Variants in GNAI1 observed in about 807,000 individuals in gnomAD.
GNAI1 encodes the protein G protein subunit alpha i1.
A neutral mutation model predicts 38.9 loss-of-function variants in GNAI1; 11 were observed. The ratio of observed to expected loss-of-function variants is 0.28; its 90% CI spans 0.18 to 0.47. The LOEUF is 0.47. GNAI1 is among the 20% of genes least tolerant of loss of function. The pLI, the probability that GNAI1 is intolerant of heterozygous loss-of-function variation, is 0.99. For synonymous variants in GNAI1, 166 were observed against 145.1 expected, an observed-to-expected ratio of 1.14 and a Z score of -1.04; for missense variants, 317 against 436.9, an observed-to-expected ratio of 0.73 and a Z score of 2.45.
intron 3 of GNAI1, among the ~76,000 whole-genome samples, chr7:80,194,099 C>A (rs1034690416): frequency 7.9e-5 from 12 of 152,138 alleles, no homozygotes; most frequent in African/African-American, 2.4e-4. Context: ...ATCAGTTTAC[C>A]TTCCTTGCAG....
At chr7:80,179,017 A>C (rs1788245500) in intron 1 of GNAI1, among the ~76,000 whole-genome samples, 1 of 152,242 alleles carries the variant, frequency 6.6e-6, no homozygotes, top group Admixed American at 6.5e-5. Flanking sequence ...GTATTACAGT[A>C]TATTAAATGC....
At chr7:80,176,406 C>G (rs142347009) in intron 1 of GNAI1, among the ~76,000 whole-genome samples, 46 of 152,276 alleles carry the variant, frequency 3.0e-4, no homozygotes, top group African/African-American at 1.1e-3. Context: ...GAAGATCTAG[C>G]TAAGATCGTT....
At chr7:80,177,584 T>C (rs1245958706) in intron 1 of GNAI1, among the ~76,000 whole-genome samples, 1 of 152,138 alleles carries the variant, frequency 6.6e-6, no homozygotes, top group Non-Finnish European at 1.5e-5. Flanking sequence ...TGAGCTCAGG[T>C]GATTCTCCCT....
At chr7:80,209,469 A>G (rs954224786) in intron 5 of GNAI1, among the ~76,000 whole-genome samples, 2 of 152,324 alleles carry the variant, frequency 1.3e-5, no homozygotes, top group African/African-American at 2.4e-5. Context: ...GATAGTCTCC[A>G]TTACTTAAAG....
intron 1 of GNAI1, among the ~76,000 whole-genome samples, chr7:80,140,789 G>C (rs1264791773): frequency 1.3e-5 from 2 of 152,166 alleles, no homozygotes. Flanking sequence ...AAAATTTATT[G>C]TCATACAGTT....
intron 1 of GNAI1, among the ~76,000 whole-genome samples, chr7:80,170,831 C>G (rs1584024894): frequency 6.6e-6 from 1 of 152,146 alleles, no homozygotes. Flanking sequence ...GGGACACAGA[C>G]CCAAACCATA....
intron 5 of GNAI1, among the ~76,000 whole-genome samples, chr7:80,205,505 GA>G (rs1788758052): frequency 6.6e-6 from 1 of 151,988 alleles, no homozygotes. Context: ...GTTTTTTAAG[GA>G]AAATTTTAAT....
At chr7:80,194,382 C>T (rs1409166726) in intron 3 of GNAI1, among the ~76,000 whole-genome samples, 3 of 151,982 alleles carry the variant, frequency 2.0e-5, no homozygotes, top group African/African-American at 7.3e-5. Context: ...AACTCTTTGT[C>T]CATTAATACA....
In GNAI1 at chr7:80,224,326, G is replaced by A. The variant is rs1789125585; in HGVS notation, c.*6833G>A. ...AAGGAAACACATTTAAGAGAGGTTA[G>A]TATTTTGTGCAATGTTGGCTATCTA... is the stretch of plus-strand genomic sequence containing the variant. On this transcript the variant is annotated 3_prime_UTR_variant, in exon 8 of 8. Transcript: ENST00000649796. Among the ~76,000 whole-genome samples the A allele has an allele frequency of 6.6e-6, 1 of 152,154 alleles. No homozygotes were observed. The highest frequency in any genetic ancestry group is 6.5e-5 in the Admixed American group (1 of 15,274).
At chr7:80,135,658 C>CCG (rs1787399856) in intron 1 of GNAI1, 1 of 172,436 alleles carries the variant, frequency 5.8e-6, no homozygotes, top group Non-Finnish European at 1.1e-5. Flanking sequence ...ACCCCCCCCC[C>CCG]CGCGCCACCA....
At chr7:80,197,679 G>A (rs930584354) in intron 3 of GNAI1, among the ~76,000 whole-genome samples, 2 of 152,048 alleles carry the variant, frequency 1.3e-5, no homozygotes, top group African/African-American at 2.4e-5. Context: ...GGTTTATTAA[G>A]GATATCATGC....
intron 1 of GNAI1, among the ~76,000 whole-genome samples, chr7:80,138,338 A>T (rs141274675): frequency 4.6e-5 from 7 of 152,340 alleles, no homozygotes; most frequent in African/African-American, 1.4e-4. Flanking sequence ...TATACTGAGC[A>T]GTGAATTAGG....
At chr7:80,216,018 A>C (rs560535854) in intron 7 of GNAI1, among the ~76,000 whole-genome samples, 2 of 152,016 alleles carry the variant, frequency 1.3e-5, no homozygotes, top group African/African-American at 4.8e-5. Flanking sequence ...GAGGACCTTG[A>C]AAGTCTGGCA....
chr7:80,184,046 G>A (rs1363710325), intron 1 of GNAI1, among the ~76,000 whole-genome samples: 5 of 152,116 alleles, frequency 3.3e-5, no homozygotes, highest in Non-Finnish European at 1.5e-5. Flanking sequence ...GCAGTTTTTC[G>A]TTAGCCACTT....
At position 80,222,734 on chromosome 7, in the gene GNAI1, A is replaced by C. The variant is rs547492180; in HGVS notation, c.*5241A>C. On this transcript the variant is annotated 3_prime_UTR_variant, in exon 8 of 8. Transcript: ENST00000649796. ...AATGAGATAATTTGAGGAAACATGC[A>C]TAGAATACTAGACAGAGACTATTTT... is the stretch of plus-strand genomic sequence containing the variant. Among the ~76,000 whole-genome samples the C allele has an allele frequency of 2.0e-5, 3 of 152,318 alleles. No homozygotes were observed. The East Asian group carries it at 5.8e-4, about 29-fold the overall frequency.
Position 80,135,077 on chromosome 7 carries a change from C to A in GNAI1, c.-84C>A, listed in dbSNP as rs1787384334. ...CCGTCGGGAGGCGTTCGAACGCCCG[C>A]TAGGAGAGAGAAAGGATTCCCCTGT... On this transcript the variant is annotated 5_prime_UTR_variant, in exon 1 of 8. Coordinates refer to ENST00000649796, the MANE Select transcript of GNAI1 (RefSeq NM_002069.6). 5 of 934,640 alleles carry A rather than the reference C, an allele frequency of 5.3e-6. No individual in the cohort carries two copies. The South Asian group carries it at 1.4e-4, about 26-fold the overall frequency. The allele number at this position is 934,640 out of a possible 1,614,324, so 57.9% of individuals were successfully genotyped here. A position where few individuals can be genotyped will look rare whatever the true frequency, so the allele number is the denominator to read the frequency against.
chr7:80,224,707 A>G lies in GNAI1; in HGVS notation c.*7214A>G, dbSNP rs1257912129. On this transcript the variant is annotated 3_prime_UTR_variant, in exon 8 of 8. Transcript: ENST00000649796. ...CATTTCACAAACATAGGAACTGCAC[A>G]GACACAGCAGCCACTACCCAGGTGT... Among the ~76,000 whole-genome samples the G allele has an allele frequency of 6.6e-6, 1 of 152,230 alleles. No homozygotes were observed. The highest frequency in any genetic ancestry group is 1.9e-4 in the East Asian group (1 of 5,202).
At chr7:80,194,610 C>G (rs924357468) in intron 3 of GNAI1, among the ~76,000 whole-genome samples, 4 of 152,008 alleles carry the variant, frequency 2.6e-5, no homozygotes, top group African/African-American at 9.7e-5. Flanking sequence ...ATTTTTTAAT[C>G]TGTCTGAAGC....
chr7:80,194,630 T>C (rs1788537168), intron 3 of GNAI1, among the ~76,000 whole-genome samples: 3 of 152,104 alleles, frequency 2.0e-5, no homozygotes, highest in Admixed American at 1.3e-4. Flanking sequence ...CATGTTTTGT[T>C]ATATGCATGG....
Sources: gnomAD v4.1 joint callset for allele counts (sites outside exome capture counted in the v4.1 genomes callset) on GRCh38, gnomAD v4.1.1 for gene constraint, MANE v1.5 for transcripts, NCBI Gene and HGNC (gene_info 2026-07-23, HGNC 2026-07-21) for gene names.